ADSS1: variants seen among roughly 807,000 people sequenced by gnomAD.
ADSS1 encodes adenylosuccinate synthase 1, also known as adenylosuccinate synthetase isozyme 1.
A neutral mutation model predicts 59.1 loss-of-function variants in ADSS1; 57 were observed. The observed-to-expected ratio is 0.97, with a 90% confidence interval of 0.78 to 1.20. The LOEUF is 1.20. Among genes scored for constraint, ADSS1 ranks in the 50% most tolerant of loss-of-function variants. ADSS1 has a pLI of 0.00. For synonymous variants in ADSS1, 247 were observed against 249.4 expected, an observed-to-expected ratio of 0.99 and a Z score of 0.09; for missense variants, 603 against 610.3, an observed-to-expected ratio of 0.99 and a Z score of 0.13.
At position 104,724,424 on chromosome 14, in the gene ADSS1, C is replaced by G; in HGVS notation, c.154C>G (p.Leu52Val). 1 of 1,262,944 alleles carries G rather than the reference C, an allele frequency of 7.9e-7. No individual in the cohort carries two copies. The highest frequency in any genetic ancestry group is 1.0e-6 in the Non-Finnish European group (1 of 998,940). 78.2% of individuals were successfully genotyped at this position (1,262,944 alleles called of 1,614,324 possible). ...GDEGKGKVVDLLATDADIISR... is the reference protein window; with the variant it reads ...GDEGKGKVVDVLATDADIISR... ...CGAGGGCAAAGGCAAGGTGGTGGAC[C>G]TGCTGGCCACGGACGCCGACATCAT... The change falls in exon 1 of 13, where the codon CTG becomes GTG. Residue 52 changes from leucine (L) to valine (V), a missense_variant. By Grantham distance (32) the Leu-to-Val change is conservative (BLOSUM62 1). Coordinates refer to ENST00000330877, the MANE Select transcript of ADSS1 (RefSeq NM_152328.5).
intron 1 of ADSS1, among the ~76,000 whole-genome samples, chr14:104,725,201 C>G (rs56116208): frequency 0.036 from 5,496 of 152,290 alleles, 127 homozygotes; most frequent in Non-Finnish European, 0.057. Context: ...CCGGCAGCTG[C>G]TCTCAGCGCC....
At chr14:104,726,677 G>A (rs1048850922) in intron 1 of ADSS1, among the ~76,000 whole-genome samples, 1 of 152,214 alleles carries the variant, frequency 6.6e-6, no homozygotes, top group Non-Finnish European at 1.5e-5. Flanking sequence ...GAAGGTACCC[G>A]ACATGGGGGT....
intron 1 of ADSS1, among the ~76,000 whole-genome samples, chr14:104,730,845 G>A (rs1890899025): frequency 6.6e-6 from 1 of 151,812 alleles, no homozygotes; most frequent in African/African-American, 2.4e-5. Flanking sequence ...TTCCTGAGTG[G>A]GCCTTGTCCA....
rs189475831 is a variant in ADSS1, at chr14:104,739,973, C to T, written c.476+157C>T. ...ACCGTCAAAATTCCACAGCGCATCACCCAACCCCCGGACGAGCCAGCCCGT... is the reference window on the plus strand; with the variant it reads ...ACCGTCAAAATTCCACAGCGCATCATCCAACCCCCGGACGAGCCAGCCCGT... On this transcript the variant is annotated intron_variant, in intron 5 of 12. Coordinates refer to ENST00000330877, the MANE Select transcript of ADSS1 (RefSeq NM_152328.5). Among the ~76,000 whole-genome samples, 904 of 152,238 alleles carry T rather than the reference C, an allele frequency of 5.9e-3. 8 individuals are homozygous for T. The highest frequency in any genetic ancestry group is 0.01 in the Non-Finnish European group (712 of 67,994).
intron 12 of ADSS1, among the ~76,000 whole-genome samples, chr14:104,746,655 C>G (rs1235953473): frequency 6.6e-6 from 1 of 152,206 alleles, no homozygotes; most frequent in Non-Finnish European, 1.5e-5. Context: ...CATGTTTACC[C>G]TCATAACCCA....
chr14:104,725,273 A>G (rs988415119), intron 1 of ADSS1, among the ~76,000 whole-genome samples: 1 of 152,306 alleles, frequency 6.6e-6, no homozygotes, highest in South Asian at 2.1e-4. Context: ...CTGGGGCTAC[A>G]TGCCCCATGC....
chr14:104,725,410 C>T (rs1019092033), intron 1 of ADSS1, among the ~76,000 whole-genome samples: 4 of 152,170 alleles, frequency 2.6e-5, no homozygotes, highest in African/African-American at 9.7e-5. Context: ...GAACAAGGGC[C>T]CCCGCACCGT....
At chr14:104,739,496 T>C in intron 4 of ADSS1, 118 bp downstream of exon 4, 2 of 1,198,928 alleles carry the variant, frequency 1.7e-6, no homozygotes, top group South Asian at 2.6e-5. Flanking sequence ...TTGCTCCACA[T>C]GGCTCCATTA....
rs756115540 is a variant in ADSS1 at position 104,743,144 on chromosome 14, C to T, written c.1026C>T (p.Leu342=). The stretch of plus-strand genomic sequence containing the variant: ...GCAGGAAGAGGCGCTGCGGCTGGCT[C>T]GACCTGATGATTCTAAGATATGCTC... The part of the protein sequence containing the change: ...TTGRKRRCGW[L]DLMILRYAHM... The change falls in exon 10 of 13, where the codon CTC becomes CTT. Residue 342 remains leucine, a synonymous_variant. Coordinates refer to ENST00000330877, the MANE Select transcript of ADSS1 (RefSeq NM_152328.5). 55 of 1,612,442 alleles carry T rather than the reference C, an allele frequency of 3.4e-5. No individual in the cohort carries two copies. The highest frequency in any genetic ancestry group is 4.2e-5 in the Non-Finnish European group (49 of 1,180,020).
chr14:104,729,528 C>G (rs1238263188), intron 1 of ADSS1, among the ~76,000 whole-genome samples: 1 of 120,256 alleles, frequency 8.3e-6, no homozygotes, highest in African/African-American at 4.0e-5. Context: ...AGCGTGGCGT[C>G]GGCGTCGTGG....
rs1342136570 is a variant in ADSS1 at position 104,746,252 on chromosome 14, TC to T, written c.1189del (p.Gln397ArgfsTer57). The T allele has an allele frequency of 5.0e-6, 8 of 1,610,998 alleles. No homozygotes were observed. In the Admixed American group the frequency reaches 1.3e-4, roughly 27 times the overall value. On this transcript the variant is annotated frameshift_variant, in exon 12 of 13. Transcript: ENST00000330877. LOFTEE classifies it high-confidence loss of function. ...TTCCCCCAGCTAACCAGGAGATGCT[TC>T]AGAAGGTCGAAGTTGAGTATGAAAC... Reference protein sequence around the residue: ...PYFPANQEMLQKVEVEYETLP... With the variant: ...PYFPANQEMLXKVEVEYETLP...
At chr14:104,730,840 G>C (rs969073498) in intron 1 of ADSS1, among the ~76,000 whole-genome samples, 2 of 151,890 alleles carry the variant, frequency 1.3e-5, no homozygotes, top group Non-Finnish European at 2.9e-5. Flanking sequence ...TTTGGTTCCT[G>C]AGTGGGCCTT....
intron 1 of ADSS1, among the ~76,000 whole-genome samples, chr14:104,732,354 C>T (rs1411078399): frequency 2.0e-5 from 3 of 152,240 alleles, no homozygotes; most frequent in East Asian, 1.9e-4. Flanking sequence ...CCTCTCACCA[C>T]GTGCCTGTGC....
intron 1 of ADSS1, chr14:104,729,878 G>T: frequency 6.8e-7 from 1 of 1,475,890 alleles, no homozygotes; most frequent in Non-Finnish European, 9.0e-7. Flanking sequence ...TCGTGGGGAG[G>T]AGCGTGGCGT....
intron 1 of ADSS1, among the ~76,000 whole-genome samples, chr14:104,727,616 C>T (rs1162205138): frequency 2.0e-5 from 3 of 152,140 alleles, no homozygotes; most frequent in African/African-American, 4.8e-5. Context: ...CAGGTACCTC[C>T]GCCTGTGCTT....
intron 1 of ADSS1, among the ~76,000 whole-genome samples, chr14:104,726,883 C>T (rs561383233): frequency 5.3e-5 from 8 of 152,300 alleles, no homozygotes; most frequent in African/African-American, 1.9e-4. Context: ...GCTCCCCAGT[C>T]CCCAAAGGGT....
At chr14:104,744,062 G>A (rs944698869) in intron 10 of ADSS1, among the ~76,000 whole-genome samples, 3 of 138,720 alleles carry the variant, frequency 2.2e-5, no homozygotes, top group Non-Finnish European at 3.1e-5. Flanking sequence ...AAGGGAGGCT[G>A]CCATCATTGG....
At chr14:104,741,286 G>T in intron 8 of ADSS1, 43 bp downstream of exon 8, 1 of 1,518,642 alleles carries the variant, frequency 6.6e-7, no homozygotes, top group South Asian at 1.3e-5. Flanking sequence ...TTTCGTGCCT[G>T]CCAGGGAAGA....
intron 10 of ADSS1, chr14:104,743,460 T>A: frequency 2.3e-6 from 1 of 426,670 alleles, no homozygotes; most frequent in Non-Finnish European, 4.4e-6. Flanking sequence ...TGTGAGAGGT[T>A]AAAATGCTTC....
Sources: gnomAD v4.1 joint callset for allele counts (sites outside exome capture counted in the v4.1 genomes callset) on GRCh38, gnomAD v4.1.1 for gene constraint, MANE v1.5 for transcripts, NCBI Gene and HGNC (gene_info 2026-07-23, HGNC 2026-07-21) for gene names.